Variants in SLC39A8 observed in about 807,000 individuals in gnomAD.
The protein encoded by SLC39A8 is metal cation symporter ZIP8.
SLC39A8 carries 15 observed loss-of-function variants against 40.4 expected under a neutral mutation model. The ratio of observed to expected loss-of-function variants is 0.37; its 90% CI spans 0.25 to 0.57. The LOEUF is 0.57. SLC39A8 is among the 20% of genes least tolerant of loss of function. SLC39A8 has a pLI of 0.75. For synonymous variants in SLC39A8, 223 were observed against 221.6 expected (o/e 1.01, Z -0.06); for missense variants, 472 against 558.8 (o/e 0.84, Z 1.57).
At chr4:102,320,237 A>G (rs1734868146) in intron 2 of SLC39A8, among the ~76,000 whole-genome samples, 1 of 138,434 alleles carries the variant, frequency 7.2e-6, no homozygotes. Flanking sequence ...GAGTATATAT[A>G]TATGAGAATA....
chr4:102,335,588 G>T (rs1274716737), intron 2 of SLC39A8, among the ~76,000 whole-genome samples: 1 of 152,164 alleles, frequency 6.6e-6, no homozygotes, highest in African/African-American at 2.4e-5. Context: ...TCACATTTCA[G>T]TGGTGATGCC....
chr4:102,320,177 A>ATATATATG (rs1560560724), intron 2 of SLC39A8, among the ~76,000 whole-genome samples: 1 of 100,408 alleles, frequency 1.0e-5, no homozygotes, highest in Admixed American at 1.1e-4. Context: ...ACATATATAT[A>ATATATATG]TATATATATA....
intron 3 of SLC39A8, among the ~76,000 whole-genome samples, chr4:102,308,489 CCCT>C (rs973073574): frequency 6.6e-6 from 1 of 152,014 alleles, no homozygotes; most frequent in African/African-American, 2.4e-5. Context: ...GCCTCAATTT[CCCT>C]CTCTCTATCT....
Position 102,305,007 on chromosome 4 carries a change from T to A in SLC39A8, c.657A>T (p.Leu219Phe), listed in dbSNP as rs1427235420. 1.9e-6 allele frequency: 3 copies of A among 1,605,460 alleles called. No individual in the cohort carries two copies. Among genetic ancestry groups the A allele is most frequent in the Non-Finnish European group, 2.6e-6 (3 of 1,174,100 alleles). The change falls in exon 5 of 9, where the codon TTA (leucine) becomes TTT (phenylalanine). Residue 219 changes from leucine to phenylalanine, a missense_variant. By Grantham distance (22) the Leu-to-Phe change is conservative. This residue lies in a region of SLC39A8 where 239 missense variants were observed against 317.9 expected (regional missense o/e 0.75). Coordinates refer to ENST00000356736, the MANE Select transcript of SLC39A8 (RefSeq NM_001135146.2). ...LFFFERMLKM[L>F]LKTYGQNGHT... ...CATTTACCTGACCATATGTCTTTAA[T>A]AACATCTTTAGCATTCTTTCAAAAA...
At chr4:102,277,479 A>G (rs1732673801) in intron 6 of SLC39A8, among the ~76,000 whole-genome samples, 1 of 152,156 alleles carries the variant, frequency 6.6e-6, no homozygotes, top group South Asian at 2.1e-4. Context: ...ACTGCTCAAC[A>G]AAATAAGAGA....
intron 8 of SLC39A8, among the ~76,000 whole-genome samples, chr4:102,264,582 G>C (rs1156694006): frequency 6.7e-6 from 1 of 150,318 alleles, no homozygotes; most frequent in Non-Finnish European, 1.5e-5. Context: ...AAGACAGTCA[G>C]CCTATCCTTT....
chr4:102,301,602 A>T (rs1733931876), intron 6 of SLC39A8, among the ~76,000 whole-genome samples: 1 of 152,080 alleles, frequency 6.6e-6, no homozygotes. Context: ...GGAACTCAAT[A>T]AATGTTTATT....
intron 2 of SLC39A8, among the ~76,000 whole-genome samples, chr4:102,320,997 A>T (rs1734941790): frequency 1.3e-5 from 2 of 151,958 alleles, no homozygotes; most frequent in Admixed American, 6.6e-5. Flanking sequence ...ATCAAACCAT[A>T]AAAGTCTAGG....
At chr4:102,321,275 T>G (rs573108769) in intron 2 of SLC39A8, among the ~76,000 whole-genome samples, 1 of 152,180 alleles carries the variant, frequency 6.6e-6, no homozygotes, top group African/African-American at 2.4e-5. Flanking sequence ...GACGATAGAA[T>G]GCTGGGAGAG....
intron 6 of SLC39A8, among the ~76,000 whole-genome samples, chr4:102,299,128 A>C (rs921864134): frequency 2.6e-5 from 4 of 151,900 alleles, no homozygotes; most frequent in Non-Finnish European, 5.9e-5. Context: ...TTAGTGCCCC[A>C]GTCCCCTTCT....
chr4:102,314,178 A>G (rs947843031), intron 3 of SLC39A8, among the ~76,000 whole-genome samples: 12 of 151,872 alleles, frequency 7.9e-5, no homozygotes. Flanking sequence ...CTCTCCCACA[A>G]TCAATCCAGG....
At chr4:102,256,852 G>A (rs1370112118), downstream of SLC39A8, among the ~76,000 whole-genome samples, 1 of 152,158 alleles carries the variant, frequency 6.6e-6, no homozygotes, top group Non-Finnish European at 1.5e-5. Context: ...AATTTACAAA[G>A]GGACTGATTA....
intron 6 of SLC39A8, among the ~76,000 whole-genome samples, chr4:102,279,997 C>T (rs896522465): frequency 6.6e-5 from 10 of 152,174 alleles, no homozygotes; most frequent in South Asian, 2.1e-4. Context: ...CAAAGGCCCT[C>T]ATGTCCAGGT....
chr4:102,283,026 C>T (rs540546284), intron 6 of SLC39A8, among the ~76,000 whole-genome samples: 1 of 152,286 alleles, frequency 6.6e-6, no homozygotes, highest in East Asian at 1.9e-4. Context: ...ACACCCAGCC[C>T]TCAAGGCAGA....
rs1270556048 is a variant in SLC39A8 at position 102,339,323 on chromosome 4, G to A, written c.219+5121C>T. Among the ~76,000 whole-genome samples, 4 of 150,324 alleles carry A rather than the reference G, an allele frequency of 2.7e-5. No individual in the cohort carries two copies. In the East Asian group the frequency reaches 7.8e-4, roughly 29 times the overall value. ...CCCACCATTTCTCAGCACATAAAGG[G>A]GAAAAAAAAAAAAGAACAAATGTTC... On this transcript the variant is annotated intron_variant, in intron 2 of 8. Transcript: ENST00000356736.
At chr4:102,328,144 T>C (rs1301722323) in intron 2 of SLC39A8, among the ~76,000 whole-genome samples, 1 of 150,590 alleles carries the variant, frequency 6.6e-6, no homozygotes, top group Non-Finnish European at 1.5e-5. Flanking sequence ...TACTATTCTT[T>C]TAGGTTTTTT....
At chr4:102,259,538 G>T (rs1454894109), downstream of SLC39A8, 15 of 1,478,294 alleles carry the variant, frequency 1.0e-5, no homozygotes, top group Middle Eastern at 1.7e-4. Flanking sequence ...ATAACAAACT[G>T]GTATTATGGG....
At chr4:102,259,956 A>T (rs151368), downstream of SLC39A8, among the ~76,000 whole-genome samples, 123,233 of 152,184 alleles carry the variant, frequency 0.81, 50,808 homozygotes, top group African/African-American at 0.95. Flanking sequence ...TCCTTAGAAT[A>T]TAGATCATCC....
intron 6 of SLC39A8, among the ~76,000 whole-genome samples, chr4:102,274,513 G>T (rs544730554): frequency 8.5e-5 from 13 of 152,228 alleles, no homozygotes; most frequent in Non-Finnish European, 1.6e-4. Flanking sequence ...ATGGAACCAA[G>T]TTGGAAAACA....
Sources: gnomAD v4.1 joint callset for allele counts (sites outside exome capture counted in the v4.1 genomes callset) on GRCh38, gnomAD v4.1.1 for gene constraint, gnomAD v4.1.1 regional missense constraint, MANE v1.5 for transcripts, NCBI Gene and HGNC (gene_info 2026-07-23, HGNC 2026-07-21) for gene names.